The following MACROD2 variants were observed in gnomAD, a reference collection of about 807,000 sequenced individuals.
MACROD2 encodes the protein ADP-ribose glycohydrolase MACROD2.
MACROD2 carries 36 observed loss-of-function variants against 70.4 expected under a neutral mutation model. The ratio of observed to expected loss-of-function variants is 0.51; its 90% CI spans 0.39 to 0.68. The LOEUF is 0.68. MACROD2 is among the 30% of genes least tolerant of loss of function. MACROD2 has a pLI of 0.00. For synonymous variants in MACROD2, 172 were observed against 178.8 expected, an observed-to-expected ratio of 0.96 and a Z score of 0.30; for missense variants, 496 against 538.4, an observed-to-expected ratio of 0.92 and a Z score of 0.78.
At chr20:14,322,166 T>G (rs1274995349) in intron 3 of MACROD2, among the ~76,000 whole-genome samples, 1 of 43,626 alleles carries the variant, frequency 2.3e-5, no homozygotes, top group Non-Finnish European at 6.4e-5. Context: ...TATCTTGATA[T>G]TCTATTGAAA....
chr20:14,488,554 C>A (rs547061096), intron 3 of MACROD2, among the ~76,000 whole-genome samples: 116 of 152,206 alleles, frequency 7.6e-4, no homozygotes, highest in African/African-American at 2.7e-3. Flanking sequence ...TTTTCTATAA[C>A]CACCTTTGGA....
intron 3 of MACROD2, among the ~76,000 whole-genome samples, chr20:14,450,789 C>T (rs117571482): frequency 0.022 from 3,411 of 151,992 alleles, 58 homozygotes; most frequent in Non-Finnish European, 0.031. Flanking sequence ...AACATAGTAC[C>T]TGAAGGAAAA....
At chr20:14,258,888 A>G (rs2012884799) in intron 3 of MACROD2, among the ~76,000 whole-genome samples, 1 of 152,120 alleles carries the variant, frequency 6.6e-6, no homozygotes, top group African/African-American at 2.4e-5. Context: ...ATTTTTGTAT[A>G]AGGTAAGAGA....
At chr20:14,901,689 A>G (rs2073896222) in intron 5 of MACROD2, among the ~76,000 whole-genome samples, 1 of 152,184 alleles carries the variant, frequency 6.6e-6, no homozygotes, top group African/African-American at 2.4e-5. Context: ...CACTGCCAAA[A>G]TCGGCATCAT....
intron 1 of MACROD2, among the ~76,000 whole-genome samples, chr20:14,000,695 C>T (rs1319922618): frequency 6.6e-6 from 1 of 152,172 alleles, no homozygotes; most frequent in Non-Finnish European, 1.5e-5. Context: ...GTAAATATTT[C>T]TTCCTTGTTT....
chr20:14,938,740 C>G (rs924076292), intron 5 of MACROD2, among the ~76,000 whole-genome samples: 7 of 152,054 alleles, frequency 4.6e-5, no homozygotes, highest in African/African-American at 4.8e-5. Context: ...AAGATCATGC[C>G]ACTGCACTCC....
intron 5 of MACROD2, among the ~76,000 whole-genome samples, chr20:15,085,835 C>G (rs2075742689): frequency 1.3e-5 from 2 of 150,178 alleles, no homozygotes; most frequent in African/African-American, 4.9e-5. Flanking sequence ...TTATATTGGA[C>G]CTTGCAGAAT....
intron 8 of MACROD2, among the ~76,000 whole-genome samples, chr20:15,750,507 T>G (rs910712581): frequency 6.6e-6 from 1 of 151,792 alleles, no homozygotes; most frequent in Non-Finnish European, 1.5e-5. Flanking sequence ...AACAACTGAT[T>G]AATAGCTTGG....
intron 6 of MACROD2, among the ~76,000 whole-genome samples, chr20:15,417,639 G>GAA (rs1017579529): frequency 4.1e-5 from 5 of 121,854 alleles, no homozygotes; most frequent in African/African-American, 1.5e-4. Flanking sequence ...GAAAAGAAAA[G>GAA]AAAAAAAAAA....
In MACROD2 at chr20:15,802,215, G is replaced by A. The variant is rs147154461; in HGVS notation, c.646-60530G>A. On this transcript the variant is annotated intron_variant, in intron 8 of 17. Transcript: ENST00000684519. ...TTTATTTCCCTTGACTGATTGCTCTGGCTAGAAATTCCAATACTATGTTGA... is the reference window on the plus strand; with the variant it reads ...TTTATTTCCCTTGACTGATTGCTCTAGCTAGAAATTCCAATACTATGTTGA... 2.2e-3 allele frequency among the ~76,000 whole-genome samples: 342 copies of A among 152,172 alleles called. 7 individuals carry two copies. The highest frequency in any genetic ancestry group is 7.6e-3 in the African/African-American group (316 of 41,478).
intron 1 of MACROD2, among the ~76,000 whole-genome samples, chr20:13,996,853 T>C (rs2052666328): frequency 6.6e-6 from 1 of 152,212 alleles, no homozygotes; most frequent in Non-Finnish European, 1.5e-5. Context: ...TTGAGGGTAG[T>C]GCGCATTTCT....
chr20:14,321,930 C>T (rs1167683042), intron 3 of MACROD2, among the ~76,000 whole-genome samples: 5 of 151,592 alleles, frequency 3.3e-5, no homozygotes. Context: ...TTTTGTCAAA[C>T]ATTTAGCAAG....
chr20:16,005,829 T>TA (rs1471293076), intron 15 of MACROD2, among the ~76,000 whole-genome samples: 1 of 152,156 alleles, frequency 6.6e-6, no homozygotes, highest in Non-Finnish European at 1.5e-5. Context: ...ACCCAGTAAT[T>TA]AAAGAAATCC....
At chr20:14,097,945 A>T (rs2054250769) in intron 3 of MACROD2, among the ~76,000 whole-genome samples, 1 of 152,216 alleles carries the variant, frequency 6.6e-6, no homozygotes, top group Admixed American at 6.5e-5. Context: ...TCGTGGTGTC[A>T]TATTGGCACT....
intron 5 of MACROD2, among the ~76,000 whole-genome samples, chr20:15,156,035 G>A (rs1203772723): frequency 6.6e-6 from 1 of 152,142 alleles, no homozygotes; most frequent in African/African-American, 2.4e-5. Flanking sequence ...TGTGACATTT[G>A]CTGCTTTGAT....
intron 15 of MACROD2, among the ~76,000 whole-genome samples, chr20:16,002,946 C>A (rs374512696): frequency 6.1e-4 from 93 of 152,116 alleles, no homozygotes; most frequent in African/African-American, 2.2e-3. Context: ...AACAGAGTAC[C>A]CTCCTTCTGA....
intron 6 of MACROD2, among the ~76,000 whole-genome samples, chr20:15,312,196 A>G (rs1373342396): frequency 6.6e-6 from 1 of 152,226 alleles, no homozygotes; most frequent in Non-Finnish European, 1.5e-5. Flanking sequence ...TATCCTATAT[A>G]CATACTTTCA....
intron 6 of MACROD2, among the ~76,000 whole-genome samples, chr20:15,366,386 C>T (rs2045409974): frequency 6.6e-6 from 1 of 152,120 alleles, no homozygotes; most frequent in Non-Finnish European, 1.5e-5. Context: ...TTGATAGAGA[C>T]ATTTAAAAAA....
At chr20:14,061,601 A>G (rs1237271366) in intron 2 of MACROD2, among the ~76,000 whole-genome samples, 4 of 152,122 alleles carry the variant, frequency 2.6e-5, no homozygotes, top group Non-Finnish European at 4.4e-5. Context: ...GTGTATTTCC[A>G]CTAAATATCT....
Sources: gnomAD v4.1 joint callset for allele counts (sites outside exome capture counted in the v4.1 genomes callset) on GRCh38, gnomAD v4.1.1 for gene constraint, MANE v1.5 for transcripts, NCBI Gene and HGNC (gene_info 2026-07-23, HGNC 2026-07-21) for gene names.